The following ZNF460 variants were observed in gnomAD, a reference collection of about 807,000 sequenced individuals.
ZNF460 encodes zinc finger protein 272.
In ZNF460, 1 loss-of-function variant was observed where a neutral mutation model predicts 8.4. The ratio of observed to expected loss-of-function variants is 0.12; its 90% confidence interval spans 0.04 to 0.56. The LOEUF (loss-of-function observed/expected upper bound fraction) is 0.56, where lower values mean the gene tolerates loss of function less well. Among genes scored for constraint, ZNF460 ranks in the 20% least tolerant of loss-of-function variants. The probability of loss-of-function intolerance (pLI) is 0.91; values close to 1 mark genes in which losing one functional copy is unlikely to be tolerated. For missense variants in ZNF460, 477 were observed against 714.8 expected (o/e 0.67, Z 3.79); for synonymous variants, 262 against 259.9 (o/e 1.01, Z -0.08).
At position 57,291,939 on chromosome 19, in the gene ZNF460, C is replaced by T; in HGVS notation, c.1398C>T (p.His466=). The part of the protein sequence containing the change: ...AFCRTTNLIR[H]FSIHTGEKPY... ...GTCGGACCACAAACCTGATTCGACACTTTAGCATCCACACTGGAGAGAAGC... is the reference window on the plus strand; with the variant it reads ...GTCGGACCACAAACCTGATTCGACATTTTAGCATCCACACTGGAGAGAAGC... Residue 466 remains histidine (H), a synonymous_variant, in exon 3 of 3, where the codon CAC becomes CAT. Transcript: ENST00000360338. This position sits in a 1 kb window ranked among gnomAD's most constrained non-coding sequence, Gnocchi z 8.4. 6.2e-7 allele frequency: 1 copy of T among 1,613,970 alleles called. No homozygotes were observed. Among genetic ancestry groups the T allele is most frequent in the Non-Finnish European group, 8.5e-7 (1 of 1,179,978 alleles).
At position 57,292,111 on chromosome 19, in the gene ZNF460, A is replaced by G; in HGVS notation, c.1570A>G (p.Ile524Val). 2.5e-6 allele frequency: 4 copies of G among 1,614,186 alleles called. No individual in the cohort carries two copies. In the African/African-American group the frequency reaches 5.3e-5, roughly 22 times the overall value. ...CESTDLIQHS[I>V]IHTESSPVSA... ...GAGCACAGATCTCATTCAACACTCC[A>G]TCATCCACACTGAGAGTAGCCCAGT... Residue 524 changes from isoleucine (I) to valine (V), a missense_variant, in exon 3 of 3, where the codon ATC becomes GTC. Transcript: ENST00000360338.
At chr19:57,288,861 C>G (rs2087896622) in intron 2 of ZNF460, among the ~76,000 whole-genome samples, 1 of 151,464 alleles carries the variant, frequency 6.6e-6, no homozygotes, top group South Asian at 2.1e-4. Context: ...CTCTCCAAGG[C>G]TAATCCACAC....
intron 2 of ZNF460, among the ~76,000 whole-genome samples, chr19:57,286,926 T>C (rs2087883424): frequency 6.8e-6 from 1 of 146,456 alleles, no homozygotes; most frequent in South Asian, 2.1e-4. Context: ...ATCGTGCCAC[T>C]GCACTCCAGT....
chr19:57,293,407 C>T lies in ZNF460; in HGVS notation c.*1177C>T, dbSNP rs1600031613. On this transcript the variant is annotated 3_prime_UTR_variant, in exon 3 of 3. Transcript: ENST00000360338. ...TGCATATGTATATGCAGGTAGTTGTCACCATGGATTGAGTCCAGTCGTAGT... is the reference window on the plus strand; with the variant it reads ...TGCATATGTATATGCAGGTAGTTGTTACCATGGATTGAGTCCAGTCGTAGT... The T allele has an allele frequency of 1.3e-5, 2 of 152,114 alleles. No individual in the cohort carries two copies. The highest frequency in any genetic ancestry group is 3.9e-4 in the East Asian group (2 of 5,192). The allele number at this position is 152,114 out of a possible 1,614,324, so 9.4% of individuals were successfully genotyped here. A position where few individuals can be genotyped will look rare whatever the true frequency, so the allele number is the denominator to read the frequency against.
chr19:57,284,759 G>A lies in ZNF460; in HGVS notation c.157+82G>A. 2.1e-6 allele frequency: 3 copies of A among 1,435,498 alleles called. 1 individual carries two copies. In the South Asian group the frequency reaches 4.9e-5, roughly 24 times the overall value. 88.9% of individuals were successfully genotyped at this position (1,435,498 alleles called of 1,614,324 possible). A position where few individuals can be genotyped will look rare whatever the true frequency, so the allele number is the denominator to read the frequency against. On this transcript the variant is annotated intron_variant, in intron 2 of 2. Coordinates refer to ENST00000360338, the MANE Select transcript of ZNF460 (RefSeq NM_006635.4). ...AGCCTTCATCCTGGCTCCAGGCCTGGCTAGTGGAATAGGTCTTGGGAGCCA... is the reference window on the plus strand; with the variant it reads ...AGCCTTCATCCTGGCTCCAGGCCTGACTAGTGGAATAGGTCTTGGGAGCCA...
At position 57,292,236 on chromosome 19, in the gene ZNF460, G is replaced by A. The variant is rs1456622314; in HGVS notation, c.*6G>A. 6.2e-7 allele frequency: 1 copy of A among 1,601,792 alleles called. No individual in the cohort carries two copies. The highest frequency in any genetic ancestry group is 1.1e-5 in the South Asian group (1 of 90,562). ...AAGAAACCCTACCATTGTAACAGAT[G>A]TGGAAAGACTTTTTACGTACACTTC... On this transcript the variant is annotated 3_prime_UTR_variant, in exon 3 of 3. Transcript: ENST00000360338.
intron 2 of ZNF460, among the ~76,000 whole-genome samples, chr19:57,289,876 C>T (rs943051225): frequency 7.9e-5 from 12 of 151,950 alleles, no homozygotes; most frequent in African/African-American, 1.9e-4. Context: ...CGGGGTGGCT[C>T]ACACCTGTAA....
rs745417213 is a variant in ZNF460, at chr19:57,291,210, C to T, written c.669C>T (p.Pro223=). The change falls in exon 3 of 3, where the codon CCC becomes CCT. Residue 223 remains proline, a synonymous_variant. Coordinates refer to ENST00000360338, the MANE Select transcript of ZNF460 (RefSeq NM_006635.4). The surrounding 1 kb of genome is among the most constrained non-coding windows in gnomAD (Gnocchi z 8.4). The stretch of plus-strand genomic sequence containing the variant: ...ACATCATCCATACTGGGGAGAAGCC[C>T]TATAAATGCCTGGAGTGTGGGAAAG... ...QHHIIHTGEK[P]YKCLECGKDF... 1.4e-5 allele frequency: 23 copies of T among 1,614,048 alleles called. 1 individual carries two copies. In the South Asian group the frequency reaches 2.5e-4, roughly 18 times the overall value.
At chr19:57,283,385 G>T (rs1468536499) in intron 1 of ZNF460, among the ~76,000 whole-genome samples, 5 of 151,386 alleles carry the variant, frequency 3.3e-5, no homozygotes, top group African/African-American at 1.2e-4. Flanking sequence ...AGCCAGGATG[G>T]TCTCAATTTC....
rs1327837884 is a variant in ZNF460, at chr19:57,280,752, C to T, written c.-55C>T. ...TCGGAGTGCGAAAGTCAGCCGAGGT[C>T]GCCCCGCCCAGGACAGAGAAGGGCT... On this transcript the variant is annotated 5_prime_UTR_variant, in exon 1 of 3. Transcript: ENST00000360338. 2 of 1,609,456 alleles carry T rather than the reference C, an allele frequency of 1.2e-6. No individual in the cohort carries two copies. Among genetic ancestry groups the T allele is most frequent in the Non-Finnish European group, 1.7e-6 (2 of 1,177,726 alleles).
Position 57,292,085 on chromosome 19 carries a change from A to T in ZNF460, c.1544A>T (p.Glu515Val). 1 of 1,614,188 alleles carries T rather than the reference A, an allele frequency of 6.2e-7. No individual in the cohort carries two copies. Among genetic ancestry groups the T allele is most frequent in the South Asian group, 1.1e-5 (1 of 91,082 alleles). Residue 515 changes from glutamate (E) to valine (V), a missense_variant, in exon 3 of 3, where the codon GAG (glutamate) becomes GTG (valine). By Grantham distance (121) the Glu-to-Val change is moderately radical (BLOSUM62 -2). Around this residue, in one of 5 missense-constraint regions of ZNF460, gnomAD observed 83 missense variants for 82.3 expected, o/e 1.01. Coordinates refer to ENST00000360338, the MANE Select transcript of ZNF460 (RefSeq NM_006635.4). Reference protein sequence around the residue: ...EPIQSGNVSCESTDLIQHSII... With the variant: ...EPIQSGNVSCVSTDLIQHSII... ...ATCCAGAGTGGGAACGTTTCTTGTG[A>T]GAGCACAGATCTCATTCAACACTCC... is the stretch of plus-strand genomic sequence containing the variant.
Position 57,289,713 on chromosome 19 carries a change from C to T in ZNF460, c.158-986C>T, listed in dbSNP as rs191989150. Among the ~76,000 whole-genome samples, 324 of 152,098 alleles carry T rather than the reference C, an allele frequency of 2.1e-3. 2 individuals are homozygous for T. The highest frequency in any genetic ancestry group is 7.5e-3 in the African/African-American group (312 of 41,510). On this transcript the variant is annotated intron_variant, in intron 2 of 2. Coordinates refer to ENST00000360338, the MANE Select transcript of ZNF460 (RefSeq NM_006635.4). ...CCTCTGGGTTTCTCTTTAAAAATTTCAAGAGTTGGCCAGGCACGGTGGGTC... is the reference window on the plus strand; with the variant it reads ...CCTCTGGGTTTCTCTTTAAAAATTTTAAGAGTTGGCCAGGCACGGTGGGTC...
intron 2 of ZNF460, among the ~76,000 whole-genome samples, chr19:57,290,214 G>T (rs932981907): frequency 2.0e-5 from 3 of 152,216 alleles, no homozygotes; most frequent in African/African-American, 7.2e-5. Flanking sequence ...GCTGAGGTGG[G>T]CAGATCCCGG....
chr19:57,284,789 T>A, intron 2 of ZNF460, 112 bp downstream of exon 2: 2 of 1,093,860 alleles, frequency 1.8e-6, no homozygotes, highest in Non-Finnish European at 2.4e-6. Flanking sequence ...GAGCCAGCCC[T>A]CCTGTTTCCC....
At position 57,292,248 on chromosome 19, in the gene ZNF460, T is replaced by C. The variant is rs765913872; in HGVS notation, c.*18T>C. On this transcript the variant is annotated 3_prime_UTR_variant, in exon 3 of 3. Transcript: ENST00000360338. Reference sequence around the variant, plus strand: ...CATTGTAACAGATGTGGAAAGACTTTTTACGTACACTTCAGTCAACATCCA... The same window carrying C: ...CATTGTAACAGATGTGGAAAGACTTCTTACGTACACTTCAGTCAACATCCA... 18 of 1,592,942 alleles carry C rather than the reference T, an allele frequency of 1.1e-5. No homozygotes were observed. The Admixed American group carries it at 2.4e-4, about 21-fold the overall frequency.
At chr19:57,283,825 A>C (rs2087859803) in intron 1 of ZNF460, among the ~76,000 whole-genome samples, 1 of 152,052 alleles carries the variant, frequency 6.6e-6, no homozygotes. Context: ...ATGAAGTGGG[A>C]AACACGGTTA....
chr19:57,291,042 G>A lies in ZNF460; in HGVS notation c.501G>A (p.Gly167=). 6.2e-7 allele frequency: 1 copy of A among 1,614,138 alleles called. No individual in the cohort carries two copies. Among genetic ancestry groups the A allele is most frequent in the Non-Finnish European group, 8.5e-7 (1 of 1,180,020 alleles). The change falls in exon 3 of 3, where the codon GGG becomes GGA. Residue 167 remains glycine, a synonymous_variant. Transcript: ENST00000360338. The surrounding 1 kb of genome is among the most constrained non-coding windows in gnomAD (Gnocchi z 8.4). ...GPVTDSLIHE[G]ENSYKFEEMF... ...TTACAGATTCCTTGATTCATGAAGG[G>A]GAAAATTCCTATAAATTCGAGGAAA... is the stretch of plus-strand genomic sequence containing the variant.
intron 2 of ZNF460, among the ~76,000 whole-genome samples, chr19:57,286,919 G>A (rs1291379603): frequency 1.3e-5 from 2 of 149,826 alleles, no homozygotes; most frequent in South Asian, 2.1e-4. Flanking sequence ...AGCCGAGATC[G>A]TGCCACTGCA....
rs1326563261 is a variant in ZNF460, at chr19:57,293,365, A to G, written c.*1135A>G. ...GCTGACTATACATAAAGTGACTGGA[A>G]TTTTAACAGGTGAACCTGCATATGT... On this transcript the variant is annotated 3_prime_UTR_variant, in exon 3 of 3. Transcript: ENST00000360338. 1.3e-5 allele frequency: 2 copies of G among 152,222 alleles called. No homozygotes were observed. Among genetic ancestry groups the G allele is most frequent in the African/African-American group, 4.8e-5 (2 of 41,464 alleles). The allele number at this position is 152,222 out of a possible 1,614,324, so 9.4% of individuals were successfully genotyped here.
Sources: allele counts gnomAD v4.1 joint callset (sites outside exome capture counted in the v4.1 genomes callset), GRCh38; gene constraint gnomAD v4.1.1; regional missense constraint gnomAD v4.1.1; non-coding constraint Gnocchi (gnomAD v3.1); transcripts MANE v1.5; gene names NCBI Gene and HGNC (gene_info 2026-07-23, HGNC 2026-07-21).